The following OBSL1 variants were observed in gnomAD, a reference collection of about 807,000 sequenced individuals.
OBSL1 encodes the protein obscurin like cytoskeletal adaptor 1, also known as obscurin-like protein 1.
OBSL1 carries 160 observed loss-of-function variants against 172.0 expected under a neutral mutation model. That is an observed-to-expected ratio of 0.93 (90% CI 0.82 to 1.06). The LOEUF is 1.06. OBSL1 is among the 50% of genes least tolerant of loss of function. The pLI is 0.00. For synonymous variants in OBSL1, 1,200 were observed against 1,196.3 expected (o/e 1.00, Z -0.06); for missense variants, 2,681 against 2,715.4 (o/e 0.99, Z 0.28).
chr2:219,553,141 T>C, intron 16 of OBSL1, 117 bp from the exon 17 acceptor site: 1 of 1,305,314 alleles, frequency 7.7e-7, no homozygotes, highest in Non-Finnish European at 1.0e-6. Flanking sequence ...CGTTTATGCG[T>C]GTCTCGTGTT....
At position 219,555,986 on chromosome 2, in the gene OBSL1, TGGGTAATGCATTAAGA is replaced by T. The variant is rs763025289; in HGVS notation, c.4609+18_4609+33del. The T allele has an allele frequency of 5.6e-6, 9 of 1,604,470 alleles. No individual in the cohort carries two copies. In the Admixed American group the frequency reaches 1.5e-4, roughly 27 times the overall value. On this transcript the variant is annotated intron_variant, in intron 14 of 20. Transcript: ENST00000404537. ...AGCCAGAAAAGGCTGTGGTGTAGGG[TGGGTAATGCATTAAGA>T]GAGGACGGGGCACTCACGCCTCACG...
rs373150189 is a variant in OBSL1, at chr2:219,567,377, G to T, written c.1733C>A (p.Pro578Gln). ...SIEKAGAVEV[P>Q]GDCVPSEGDY... ...ACCCTCGGAGGGCACACAGTCGCCC[G>T]GCACCTCCACGGCTCCGGCTTTCTC... The change falls in exon 4 of 21, where the codon CCG (proline) becomes CAG (glutamine). Residue 578 changes from proline (P) to glutamine (Q), a missense_variant. By Grantham distance (76) the Pro-to-Gln change is moderately conservative. This residue lies in a region of OBSL1 where 706 missense variants were observed against 695.8 expected (regional missense o/e 1.01). Transcript: ENST00000404537. 4.3e-6 allele frequency: 7 copies of T among 1,612,908 alleles called. No individual in the cohort carries two copies. Among genetic ancestry groups the T allele is most frequent in the Non-Finnish European group, 5.9e-6 (7 of 1,179,430 alleles).
chr2:219,558,567 A>T, intron 9 of OBSL1, 108 bp from the exon 10 acceptor site: 1 of 1,281,804 alleles, frequency 7.8e-7, no homozygotes, highest in Non-Finnish European at 1.1e-6. Flanking sequence ...TCTTGAGAAC[A>T]GTGCCAGCTG....
chr2:219,559,655 C>T (rs1254101086), intron 8 of OBSL1, 158 bp from the exon 9 acceptor site: 5 of 669,978 alleles, frequency 7.5e-6, no homozygotes, highest in Non-Finnish European at 1.2e-5. Flanking sequence ...TCTGAAATCC[C>T]TGGGGCCAGA....
intron 7 of OBSL1, 65 bp downstream of exon 7, chr2:219,563,290 G>GAA (rs1174211099): frequency 4.4e-5 from 64 of 1,449,856 alleles, no homozygotes; most frequent in Non-Finnish European, 5.6e-5. Flanking sequence ...TGAAGGTGTG[G>GAA]CAGCTGTTCC....
chr2:219,570,926 C>G lies in OBSL1; in HGVS notation c.307G>C (p.Glu103Gln). The change falls in exon 1 of 21, where the codon GAG becomes CAG. Residue 103 changes from glutamate (E) to glutamine (Q), a missense_variant. By Grantham distance (29) the Glu-to-Gln change is conservative. This residue lies in a region of OBSL1 where 67 missense variants were observed against 109.3 expected (regional missense o/e 0.61). Coordinates refer to ENST00000404537, the MANE Select transcript of OBSL1 (RefSeq NM_015311.3). ...AYAAAAVTVL[E>Q]PPASDPELQP... ...AGCTCGGGGTCGGAGGCCGGCGGCTCCAGCACGGTGACGGCGGCCGCCGCG... is the reference window on the plus strand; with the variant it reads ...AGCTCGGGGTCGGAGGCCGGCGGCTGCAGCACGGTGACGGCGGCCGCCGCG... 1 of 1,287,500 alleles carries G rather than the reference C, an allele frequency of 7.8e-7. No individual in the cohort carries two copies. Among genetic ancestry groups the G allele is most frequent in the South Asian group, 2.7e-5 (1 of 36,442 alleles). 79.8% of individuals were successfully genotyped at this position (1,287,500 alleles called of 1,614,324 possible). A position where few individuals can be genotyped will look rare whatever the true frequency, so the allele number is the denominator to read the frequency against.
Position 219,557,884 on chromosome 2 carries a change from G to A in OBSL1, c.3729C>T (p.Tyr1243=). The A allele has an allele frequency of 1.9e-6, 3 of 1,601,340 alleles. No individual in the cohort carries two copies. The highest frequency in any genetic ancestry group is 2.5e-6 in the Non-Finnish European group (3 of 1,179,698). The change falls in exon 11 of 21, where the codon TAC becomes TAT. Residue 1243 remains tyrosine (Y), a synonymous_variant. Coordinates refer to ENST00000404537, the MANE Select transcript of OBSL1 (RefSeq NM_015311.3). ...CGGGGGCTGCTCCAGACTGGCAGGTGTAGAGCCCTGCATGGGCTGGGCCTG... is the reference window on the plus strand; with the variant it reads ...CGGGGGCTGCTCCAGACTGGCAGGTATAGAGCCCTGCATGGGCTGGGCCTG... ...QAAGPAHAGL[Y]TCQSGAAPGA...
In OBSL1 at chr2:219,567,651, AC is replaced by A. The variant is rs1697012381; in HGVS notation, c.1534+66del. The stretch of plus-strand genomic sequence containing the variant: ...CTTCCACCTTAAATCTACTTCACCA[AC>A]CCAGCTCCGGCATCTGGCCAACCTC... On this transcript the variant is annotated intron_variant, in intron 3 of 20. Coordinates refer to ENST00000404537, the MANE Select transcript of OBSL1 (RefSeq NM_015311.3). The A allele has an allele frequency of 3.0e-5, 47 of 1,588,090 alleles. No homozygotes were observed. The South Asian group carries it at 5.0e-4, about 17-fold the overall frequency.
Position 219,557,787 on chromosome 2 carries a change from T to A in OBSL1, c.3790+36A>T, listed in dbSNP as rs554189748. The A allele has an allele frequency of 6.4e-6, 10 of 1,569,772 alleles. No individual in the cohort carries two copies. The East Asian group carries it at 2.0e-4, about 32-fold the overall frequency. ...TTTGGGGTGCCACTCTCAGGCTTGGTGCCACTCTCAGGCTTAATGCCCAGG... is the reference window on the plus strand; with the variant it reads ...TTTGGGGTGCCACTCTCAGGCTTGGAGCCACTCTCAGGCTTAATGCCCAGG... On this transcript the variant is annotated intron_variant, in intron 11 of 20. Coordinates refer to ENST00000404537, the MANE Select transcript of OBSL1 (RefSeq NM_015311.3).
downstream of OBSL1, among the ~76,000 whole-genome samples, chr2:219,548,864 A>G (rs1247591681): frequency 6.6e-6 from 1 of 152,112 alleles, no homozygotes; most frequent in Non-Finnish European, 1.5e-5. Flanking sequence ...TGTCCAGTGG[A>G]AAGATGATGA....
chr2:219,555,655 G>A (rs1198697490), intron 14 of OBSL1: 8 of 1,070,938 alleles, frequency 7.5e-6, no homozygotes, highest in Non-Finnish European at 9.0e-6. Flanking sequence ...GAGGGCTCCA[G>A]CTTTGGGTGG....
Position 219,559,447 on chromosome 2 carries a change from C to T in OBSL1, c.3004G>A (p.Val1002Met), listed in dbSNP as rs374188902. 7.5e-5 allele frequency: 121 copies of T among 1,613,474 alleles called. No homozygotes were observed. The highest frequency in any genetic ancestry group is 2.2e-4 in the East Asian group (10 of 44,898). Residue 1002 changes from valine to methionine, a missense_variant, in exon 9 of 21, where the codon GTG (valine) becomes ATG (methionine). Val to Met is a conservative substitution (Grantham distance 21, BLOSUM62 1). This residue lies in a region of OBSL1 where 1,765 missense variants were observed against 1,748.3 expected (regional missense o/e 1.01). Coordinates refer to ENST00000404537, the MANE Select transcript of OBSL1 (RefSeq NM_015311.3). ...YPRDEVTLIA[V>M]TLECVVLMCE... ...ATCAGCACCACACACTCCAAGGTCA[C>T]GGCGATCAAGGTCACCTCATCGCGA... is the stretch of plus-strand genomic sequence containing the variant.
chr2:219,560,557 C>A (rs549491742), intron 8 of OBSL1, among the ~76,000 whole-genome samples: 1 of 152,114 alleles, frequency 6.6e-6, no homozygotes, highest in South Asian at 2.1e-4. Flanking sequence ...TAGCCTCTGG[C>A]CCCCTGGTGG....
In OBSL1 at chr2:219,568,521, G is replaced by A. The variant is rs750999536; in HGVS notation, c.1013-197C>T. 6.6e-6 allele frequency among the ~76,000 whole-genome samples: 1 copy of A among 152,174 alleles called. No individual in the cohort carries two copies. The highest frequency in any genetic ancestry group is 2.4e-5 in the African/African-American group (1 of 41,436). On this transcript the variant is annotated intron_variant, in intron 1 of 20. Transcript: ENST00000404537. The surrounding 1 kb of genome is among the most constrained non-coding windows in gnomAD (Gnocchi z 4.1). Reference sequence around the variant, plus strand: ...GAGTTCTCATCCAGCCCTGACACTAGCCACATCACCTTAAGCAAGTCCATT... The same window carrying A: ...GAGTTCTCATCCAGCCCTGACACTAACCACATCACCTTAAGCAAGTCCATT...
chr2:219,562,282 C>T, intron 8 of OBSL1, 120 bp downstream of exon 8: 2 of 1,270,716 alleles, frequency 1.6e-6, no homozygotes, highest in Non-Finnish European at 1.1e-6. Context: ...AGAACCCTGG[C>T]ACATGCACCT....
Position 219,554,535 on chromosome 2 carries a change from G to A in OBSL1, c.4815C>T (p.Asp1605=). ...CCGCTGTGAAGGAGACACAGCCTGA[G>A]TCGGCCAGGCCCAGGCCATTGAGTA... ...RLVLNGLGLA[D]SGCVSFTADS... Residue 1605 remains aspartate, a synonymous_variant, in exon 15 of 21, where the codon GAC becomes GAT. Coordinates refer to ENST00000404537, the MANE Select transcript of OBSL1 (RefSeq NM_015311.3). The A allele has an allele frequency of 6.2e-7, 1 of 1,613,490 alleles. No individual in the cohort carries two copies. Among genetic ancestry groups the A allele is most frequent in the Non-Finnish European group, 8.5e-7 (1 of 1,179,884 alleles).
At position 219,570,785 on chromosome 2, in the gene OBSL1, G is replaced by C. The variant is rs1183631144; in HGVS notation, c.448C>G (p.Arg150Gly). ...GTGGGCTCGGGGAGGCCCCCCGCCC[G>C]GCACGTCAGCACCACCTCCGCCCCC... ...LRGAEVVLTC[R>G]AGGLPEPTLY... Residue 150 changes from arginine (R) to glycine (G), a missense_variant, in exon 1 of 21, where the codon CGG (arginine) becomes GGG (glycine). This residue lies in a region of OBSL1 where 706 missense variants were observed against 695.8 expected (regional missense o/e 1.01). Coordinates refer to ENST00000404537, the MANE Select transcript of OBSL1 (RefSeq NM_015311.3). 2 of 1,495,806 alleles carry C rather than the reference G, an allele frequency of 1.3e-6. No individual in the cohort carries two copies. Among genetic ancestry groups the C allele is most frequent in the Non-Finnish European group, 1.8e-6 (2 of 1,130,512 alleles). 92.7% of individuals were successfully genotyped at this position (1,495,806 alleles called of 1,614,324 possible).
rs112802083 is a variant in OBSL1 at position 219,561,641 on chromosome 2, C to G, written c.2953+761G>C. The G allele has an allele frequency of 0.03, 11,238 of 378,928 alleles. 601 individuals carry two copies. Among genetic ancestry groups the G allele is most frequent in the African/African-American group, 0.25 (6,973 of 27,972 alleles). The allele number at this position is 378,928 out of a possible 1,614,324, so 23.5% of individuals were successfully genotyped here. Reference sequence around the variant, plus strand: ...CGTGTGTGGAAGGGTGACTTTCTCCCAGGCCTCCCTGACCCTCCTGCTCTG... The same window carrying G: ...CGTGTGTGGAAGGGTGACTTTCTCCGAGGCCTCCCTGACCCTCCTGCTCTG... On this transcript the variant is annotated intron_variant, in intron 8 of 20. Coordinates refer to ENST00000404537, the MANE Select transcript of OBSL1 (RefSeq NM_015311.3).
At chr2:219,547,734 C>G (rs765742667), downstream of OBSL1, 2 of 1,590,254 alleles carry the variant, frequency 1.3e-6, no homozygotes, top group East Asian at 2.2e-5. Flanking sequence ...CTCGCAGCTG[C>G]TGCCCTGCTG....
Sources: allele counts gnomAD v4.1 joint callset (sites outside exome capture counted in the v4.1 genomes callset), GRCh38; gene constraint gnomAD v4.1.1; regional missense constraint gnomAD v4.1.1; non-coding constraint Gnocchi (gnomAD v3.1); transcripts MANE v1.5; gene names NCBI Gene and HGNC (gene_info 2026-07-23, HGNC 2026-07-21).